CACNA2D2: variants seen among roughly 807,000 people sequenced by gnomAD.
CACNA2D2 encodes voltage-dependent calcium channel subunit alpha-2/delta-2.
CACNA2D2 carries 48 observed loss-of-function variants against 166.4 expected under a neutral mutation model. The observed-to-expected ratio is 0.29, with a 90% CI of 0.23 to 0.37. The LOEUF is 0.37. Ranked by LOEUF, CACNA2D2 falls within the 10% of genes least tolerant of loss-of-function variation. CACNA2D2 has a pLI of 1.00. For missense variants in CACNA2D2, 1,122 were observed against 1,433.0 expected, an observed-to-expected ratio of 0.78 and a Z score of 3.50; for synonymous variants, 561 against 573.7, an observed-to-expected ratio of 0.98 and a Z score of 0.32.
At chr3:50,393,148 C>T (rs1183737488) in intron 4 of CACNA2D2, among the ~76,000 whole-genome samples, 1 of 152,160 alleles carries the variant, frequency 6.6e-6, no homozygotes, top group Non-Finnish European at 1.5e-5. Flanking sequence ...GTAGGTCTAT[C>T]CACTCTGTGC....
Position 50,455,577 on chromosome 3 carries a change from C to A in CACNA2D2, c.288+20541G>T, listed in dbSNP as rs140316924. 1.8e-3 allele frequency among the ~76,000 whole-genome samples: 267 copies of A among 152,296 alleles called. 2 individuals carry two copies. Among genetic ancestry groups the A allele is most frequent in the African/African-American group, 6.0e-3 (249 of 41,572 alleles). The stretch of plus-strand genomic sequence containing the variant: ...ATTACTTTTTTTAAACACAGCGTTA[C>A]AAACATCGGGTGCATCAGATTACTG... On this transcript the variant is annotated intron_variant, in intron 2 of 37. Transcript: ENST00000424201.
chr3:50,481,259 G>A (rs1443276788), intron 1 of CACNA2D2, among the ~76,000 whole-genome samples: 3 of 152,116 alleles, frequency 2.0e-5, no homozygotes, highest in Non-Finnish European at 4.4e-5. Flanking sequence ...GGCCCCGGAA[G>A]GGTCAAGGCC....
upstream of CACNA2D2, chr3:50,503,695 CTCT>C (rs1239635140): frequency 6.5e-6 from 1 of 153,856 alleles, no homozygotes; most frequent in Non-Finnish European, 1.4e-5. Flanking sequence ...CGGCACCGCC[CTCT>C]TCTCTCCCTC....
intron 3 of CACNA2D2, among the ~76,000 whole-genome samples, chr3:50,416,884 G>A (rs1010561617): frequency 2.6e-5 from 4 of 152,210 alleles, no homozygotes; most frequent in South Asian, 2.1e-4. Flanking sequence ...TGTGCCCATC[G>A]GGTGCACACA....
At chr3:50,464,921 C>T (rs955918790) in intron 2 of CACNA2D2, among the ~76,000 whole-genome samples, 1 of 152,224 alleles carries the variant, frequency 6.6e-6, no homozygotes, top group Non-Finnish European at 1.5e-5. Flanking sequence ...TGGCTGCTGC[C>T]AAGAAGGGCC....
intron 3 of CACNA2D2, among the ~76,000 whole-genome samples, chr3:50,404,199 G>A (rs769152902): frequency 1.3e-5 from 2 of 152,148 alleles, no homozygotes; most frequent in Non-Finnish European, 2.9e-5. Flanking sequence ...AAGATGGTGT[G>A]GGGGGTGAAG....
intron 1 of CACNA2D2, among the ~76,000 whole-genome samples, chr3:50,490,089 C>T (rs572972354): frequency 1.3e-5 from 2 of 152,072 alleles, no homozygotes; most frequent in East Asian, 1.9e-4. Context: ...GTGGAGTGGG[C>T]GGCAGGGCAG....
At chr3:50,434,255 A>C (rs1708205125) in intron 3 of CACNA2D2, 58 bp downstream of exon 3, 2 of 1,174,966 alleles carry the variant, frequency 1.7e-6, no homozygotes, top group Non-Finnish European at 1.3e-6. Flanking sequence ...ATGGTACAGG[A>C]CCTCTCCACC....
At position 50,394,100 on chromosome 3, in the gene CACNA2D2, G is replaced by C; in HGVS notation, c.465+9C>G. On this transcript the variant is annotated intron_variant, in intron 4 of 37. Coordinates refer to ENST00000424201, the MANE Select transcript of CACNA2D2 (RefSeq NM_006030.4). ...CCCTAAGTGCTGGGCAGGGTGCTGGGGTTCCTACCTTGATGTTGTCCTGCC... is the reference window on the plus strand; with the variant it reads ...CCCTAAGTGCTGGGCAGGGTGCTGGCGTTCCTACCTTGATGTTGTCCTGCC... The C allele has an allele frequency of 1.2e-6, 2 of 1,613,766 alleles. No homozygotes were observed. The highest frequency in any genetic ancestry group is 2.2e-5 in the South Asian group (2 of 91,074).
At position 50,376,296 on chromosome 3, in the gene CACNA2D2, GC is replaced by G; in HGVS notation, c.1627-109del. 8.3e-7 allele frequency: 1 copy of G among 1,205,652 alleles called. No individual in the cohort carries two copies. The highest frequency in any genetic ancestry group is 1.2e-6 in the Non-Finnish European group (1 of 850,082). 74.7% of individuals were successfully genotyped at this position (1,205,652 alleles called of 1,614,324 possible). On this transcript the variant is annotated intron_variant, in intron 17 of 37. Coordinates refer to ENST00000424201, the MANE Select transcript of CACNA2D2 (RefSeq NM_006030.4). The surrounding 1 kb of genome is among the most constrained non-coding windows in gnomAD (Gnocchi z 4.3). ...CCCACCGCACCGAGAGATTCTGTTT[GC>G]CTGCCTTGGGCTAAGGGCCCCCCCA...
intron 16 of CACNA2D2, 54 bp downstream of exon 16, chr3:50,377,678 C>A: frequency 1.3e-6 from 2 of 1,572,166 alleles, no homozygotes; most frequent in Non-Finnish European, 1.7e-6. Flanking sequence ...CTGCTGTGGG[C>A]ATGCCCATTC....
At chr3:50,466,671 AG>A (rs1433760305) in intron 2 of CACNA2D2, among the ~76,000 whole-genome samples, 1 of 152,238 alleles carries the variant, frequency 6.6e-6, no homozygotes, top group Non-Finnish European at 1.5e-5. Flanking sequence ...GAGCCTCAGC[AG>A]GTCAGGAACT....
Position 50,387,734 on chromosome 3 carries a change from C to T in CACNA2D2, c.466-122G>A, listed in dbSNP as rs1705685207. 3 of 744,900 alleles carry T rather than the reference C, an allele frequency of 4.0e-6. No homozygotes were observed. In the Admixed American group the frequency reaches 8.0e-5, roughly 20 times the overall value. The allele number at this position is 744,900 out of a possible 1,614,324, so 46.1% of individuals were successfully genotyped here. A position where few individuals can be genotyped will look rare whatever the true frequency, so the allele number is the denominator to read the frequency against. ...CTGGGGCAGAGACTGTCCCTTTCCC[C>T]CACCCAGAGCCCCCCTCCTGGAAGG... On this transcript the variant is annotated intron_variant, in intron 4 of 37. Transcript: ENST00000424201.
At chr3:50,431,208 C>A (rs1401241213) in intron 3 of CACNA2D2, among the ~76,000 whole-genome samples, 1 of 152,122 alleles carries the variant, frequency 6.6e-6, no homozygotes, top group Non-Finnish European at 1.5e-5. Context: ...ACTCAGACTG[C>A]AAACAAATGT....
At chr3:50,479,345 C>A (rs759209207) in intron 1 of CACNA2D2, among the ~76,000 whole-genome samples, 2 of 152,230 alleles carry the variant, frequency 1.3e-5, no homozygotes, top group Non-Finnish European at 2.9e-5. Context: ...CCTGGACCTG[C>A]TGGGCAGACC....
chr3:50,422,964 C>T (rs1707646081), intron 3 of CACNA2D2, among the ~76,000 whole-genome samples: 1 of 152,234 alleles, frequency 6.6e-6, no homozygotes, highest in Non-Finnish European at 1.5e-5. Flanking sequence ...GCAGCGTTGG[C>T]TGAAGTGAAA....
chr3:50,409,677 G>A (rs1027046802), intron 3 of CACNA2D2, among the ~76,000 whole-genome samples: 21 of 152,222 alleles, frequency 1.4e-4, no homozygotes, highest in African/African-American at 3.9e-4. Context: ...CTGTGGCCAC[G>A]GCTCTCTGAG....
chr3:50,477,608 T>C (rs1010754682), intron 1 of CACNA2D2, among the ~76,000 whole-genome samples: 9 of 152,178 alleles, frequency 5.9e-5, no homozygotes, highest in Admixed American at 6.5e-5. Flanking sequence ...GTATCTCAAC[T>C]TCTCCATCCC....
chr3:50,487,478 C>T (rs976470930), intron 1 of CACNA2D2, among the ~76,000 whole-genome samples: 1 of 152,234 alleles, frequency 6.6e-6, no homozygotes, highest in Non-Finnish European at 1.5e-5. Flanking sequence ...CTGCTTCTTG[C>T]TAGTGCCTGG....
Sources: gnomAD v4.1 joint callset for allele counts (sites outside exome capture counted in the v4.1 genomes callset) on GRCh38, gnomAD v4.1.1 for gene constraint, Gnocchi (gnomAD v3.1) non-coding constraint, MANE v1.5 for transcripts, NCBI Gene and HGNC (gene_info 2026-07-23, HGNC 2026-07-21) for gene names.